Variants in WDR20 observed in about 807,000 individuals in gnomAD.
The protein encoded by WDR20 is WD repeat domain 20.
A neutral mutation model predicts 38.7 loss-of-function variants in WDR20; 3 were observed. The ratio of observed to expected loss-of-function variants is 0.08; its 90% CI spans 0.04 to 0.20. The LOEUF is 0.20. WDR20 is among the 10% of genes least tolerant of loss of function. WDR20 has a pLI of 1.00. For synonymous variants in WDR20, 298 were observed against 285.6 expected (o/e 1.04, Z -0.44); for missense variants, 559 against 727.7 (o/e 0.77, Z 2.67).
chr14:102,173,057 G>T (rs1166377925), intron 1 of WDR20, among the ~76,000 whole-genome samples: 2 of 150,712 alleles, frequency 1.3e-5, no homozygotes, highest in African/African-American at 4.9e-5. Context: ...TGGGATGGCA[G>T]CCGGGAAGAG....
intron 1 of WDR20, among the ~76,000 whole-genome samples, chr14:102,163,868 G>A (rs536116676): frequency 1.4e-4 from 21 of 152,214 alleles, no homozygotes; most frequent in Admixed American, 1.2e-3. Context: ...AGGTGGCTTT[G>A]CTGCTGTCTC....
At chr14:102,158,252 A>T (rs1302844375) in intron 1 of WDR20, among the ~76,000 whole-genome samples, 1 of 152,136 alleles carries the variant, frequency 6.6e-6, no homozygotes, top group Admixed American at 6.6e-5. Context: ...GGAGGGGTGC[A>T]TGGTGCTGAC....
At chr14:102,186,180 A>C (rs1312325703) in intron 1 of WDR20, among the ~76,000 whole-genome samples, 3 of 152,250 alleles carry the variant, frequency 2.0e-5, no homozygotes, top group Admixed American at 6.5e-5. Flanking sequence ...CTGTTCAGAT[A>C]CGTTGGCTGT....
At chr14:102,202,227 C>T (rs189279630) in intron 2 of WDR20, among the ~76,000 whole-genome samples, 2 of 152,100 alleles carry the variant, frequency 1.3e-5, no homozygotes, top group East Asian at 3.9e-4. Flanking sequence ...TCAGCTTCCT[C>T]AAGTCTCAGA....
rs541544259 is a variant in WDR20, at chr14:102,188,713, A to C, written c.250-6225A>C. Among the ~76,000 whole-genome samples, 11 of 145,514 alleles carry C rather than the reference A, an allele frequency of 7.6e-5. No individual in the cohort carries two copies. The South Asian group carries it at 2.4e-3, about 32-fold the overall frequency. ...CAAGACACTGTCTCTACAGAAAATT[A>C]AAAAAAAAAAATTAGTTGGGCATGG... On this transcript the variant is annotated intron_variant, in intron 1 of 2. Transcript: ENST00000342702.
chr14:102,145,948 G>A (rs2053489618), intron 1 of WDR20, among the ~76,000 whole-genome samples: 2 of 151,494 alleles, frequency 1.3e-5, no homozygotes, highest in Non-Finnish European at 2.9e-5. Flanking sequence ...GGATTCTAAG[G>A]TTTTTCCATC....
At chr14:102,186,943 C>CT (rs1413867506) in intron 1 of WDR20, among the ~76,000 whole-genome samples, 1 of 138,464 alleles carries the variant, frequency 7.2e-6, no homozygotes, top group Non-Finnish European at 1.5e-5. Flanking sequence ...GAACGAGACT[C>CT]TGTCTCAGGA....
intron 1 of WDR20, chr14:102,167,516 A>T (rs1452315216): frequency 6.6e-6 from 1 of 152,278 alleles, no homozygotes; most frequent in East Asian, 1.9e-4. Flanking sequence ...CACCGTGCCC[A>T]GCCTAGATTC....
intron 1 of WDR20, among the ~76,000 whole-genome samples, chr14:102,142,977 A>G (rs2052018720): frequency 6.6e-6 from 1 of 152,122 alleles, no homozygotes; most frequent in African/African-American, 2.4e-5. Flanking sequence ...GTCCTGGGGA[A>G]ATGGAGTAGG....
chr14:102,174,448 C>G (rs2061635946), intron 1 of WDR20, among the ~76,000 whole-genome samples: 1 of 152,184 alleles, frequency 6.6e-6, no homozygotes, highest in Non-Finnish European at 1.5e-5. Flanking sequence ...GAGACAGAGT[C>G]TTGCTCTGTC....
chr14:102,222,455 GC>G lies in WDR20; in HGVS notation c.1693-374del, dbSNP rs1435259028. 3.9e-5 allele frequency among the ~76,000 whole-genome samples: 6 copies of G among 152,184 alleles called. No homozygotes were observed. In the East Asian group the frequency reaches 1.2e-3, roughly 29 times the overall value. On this transcript the variant is annotated intron_variant, in intron 3 of 3. Transcript: ENST00000335263. The surrounding 1 kb of genome is among the most constrained non-coding windows in gnomAD (Gnocchi z 4.4). Reference sequence around the variant, plus strand: ...GCGGTCCAGAACTGCGGTGCCCTGGGCTCAACCCTGGCTGAAGGCGCTGAAC... The same window carrying G: ...GCGGTCCAGAACTGCGGTGCCCTGGGTCAACCCTGGCTGAAGGCGCTGAAC...
chr14:102,193,031 C>G (rs1051458585), intron 1 of WDR20, among the ~76,000 whole-genome samples: 1 of 150,300 alleles, frequency 6.7e-6, no homozygotes, highest in Non-Finnish European at 1.5e-5. Context: ...GTTGAATATG[C>G]TGATACAGTA....
chr14:102,201,931 C>T (rs2060464449), intron 2 of WDR20, among the ~76,000 whole-genome samples: 1 of 152,146 alleles, frequency 6.6e-6, no homozygotes, highest in Non-Finnish European at 1.5e-5. Context: ...GTACCCCTGC[C>T]CTGGAGGGGC....
In WDR20 at chr14:102,209,467, A is replaced by G; in HGVS notation, c.1297A>G (p.Asn433Asp). Residue 433 changes from asparagine to aspartate, a missense_variant, in exon 3 of 3, where the codon AAC (asparagine) becomes GAC (aspartate). Asn to Asp is a conservative substitution (Grantham distance 23, BLOSUM62 1). Coordinates refer to ENST00000342702, the MANE Select transcript of WDR20 (RefSeq NM_144574.4). This position sits in a 1 kb window ranked among gnomAD's most constrained non-coding sequence, Gnocchi z 6.0. ...NSVPPPLPRS[N>D]SLPHSAVSNA... ...TGTGCCGCCTCCTCTGCCACGGTCCAACAGCCTTCCACATTCAGCAGTCTC... is the reference window on the plus strand; with the variant it reads ...TGTGCCGCCTCCTCTGCCACGGTCCGACAGCCTTCCACATTCAGCAGTCTC... 6.2e-7 allele frequency: 1 copy of G among 1,614,192 alleles called. No individual in the cohort carries two copies. The highest frequency in any genetic ancestry group is 2.2e-5 in the East Asian group (1 of 44,890).
downstream of WDR20, chr14:102,212,657 G>T: frequency 6.5e-7 from 1 of 1,529,286 alleles, no homozygotes; most frequent in South Asian, 1.2e-5. Context: ...CTGTGCTTCT[G>T]AGTAATGGCT....
At chr14:102,204,161 G>A (rs551265036) in intron 2 of WDR20, among the ~76,000 whole-genome samples, 5 of 152,242 alleles carry the variant, frequency 3.3e-5, no homozygotes, top group African/African-American at 9.6e-5. Context: ...CAGCATGCTC[G>A]CTTTGGGGTC....
At chr14:102,214,937 A>T (rs1320213911), downstream of WDR20, 2 of 985,086 alleles carry the variant, frequency 2.0e-6, no homozygotes, top group Non-Finnish European at 2.4e-6. Flanking sequence ...CATACTTGAT[A>T]TTCTGAAGTA....
At chr14:102,178,643 A>G (rs1223965004) in intron 1 of WDR20, among the ~76,000 whole-genome samples, 1 of 151,708 alleles carries the variant, frequency 6.6e-6, no homozygotes, top group African/African-American at 2.4e-5. Flanking sequence ...TGTAACTAGC[A>G]TGCCAGGTAA....
rs113621848 is a variant in WDR20, at chr14:102,209,073, C to T, written c.903C>T (p.His301=). Residue 301 remains histidine (H), a synonymous_variant, in exon 3 of 3, where the codon CAC becomes CAT. Coordinates refer to ENST00000342702, the MANE Select transcript of WDR20 (RefSeq NM_144574.4). This position sits in a 1 kb window ranked among gnomAD's most constrained non-coding sequence, Gnocchi z 6.0. ...FVDCRVIARG[H]GHKSWVSVVA... ...ACTGCCGAGTAATAGCCAGAGGCCACGGGCACAAGTCCTGGGTCAGTGTTG... is the reference window on the plus strand; with the variant it reads ...ACTGCCGAGTAATAGCCAGAGGCCATGGGCACAAGTCCTGGGTCAGTGTTG... The T allele has an allele frequency of 7.1e-5, 115 of 1,614,148 alleles. 1 individual carries two copies. The African/African-American group carries it at 8.8e-4, about 12-fold the overall frequency.
Sources: allele counts gnomAD v4.1 joint callset (sites outside exome capture counted in the v4.1 genomes callset), GRCh38; gene constraint gnomAD v4.1.1; non-coding constraint Gnocchi (gnomAD v3.1); transcripts MANE v1.5; gene names NCBI Gene and HGNC (gene_info 2026-07-23, HGNC 2026-07-21).